KLF7: variants seen among roughly 807,000 people sequenced by gnomAD.
KLF7 encodes the protein Krueppel-like factor 7.
A neutral mutation model predicts 27.3 loss-of-function variants in KLF7; 2 were observed. The observed-to-expected ratio is 0.07, with a 90% CI of 0.03 to 0.23. The LOEUF is 0.23. Among genes scored for constraint, KLF7 ranks in the 10% least tolerant of loss-of-function variants. KLF7 has a pLI of 1.00. For synonymous variants in KLF7, 165 were observed against 162.4 expected, an observed-to-expected ratio of 1.02 and a Z score of -0.12; for missense variants, 221 against 394.1, an observed-to-expected ratio of 0.56 and a Z score of 3.72.
intron 1 of KLF7, among the ~76,000 whole-genome samples, chr2:207,138,360 T>C (rs1463444601): frequency 6.6e-6 from 1 of 152,194 alleles, no homozygotes; most frequent in Admixed American, 6.5e-5. Context: ...TTAAAATTAA[T>C]AAACACTCTC....
chr2:207,088,681 G>GT (rs1408110307), intron 2 of KLF7, 100 bp from the exon 3 acceptor site: 18 of 1,308,068 alleles, frequency 1.4e-5, no homozygotes, highest in African/African-American at 2.9e-5. Flanking sequence ...GGAAAGGGCT[G>GT]TTTAACTCAT....
At chr2:207,159,409 A>T (rs1041153210) in intron 1 of KLF7, among the ~76,000 whole-genome samples, 3 of 152,220 alleles carry the variant, frequency 2.0e-5, no homozygotes, top group African/African-American at 7.2e-5. Flanking sequence ...CAGTGTTCCA[A>T]CACAGAACTG....
At chr2:207,093,400 C>T (rs1216673733) in intron 2 of KLF7, among the ~76,000 whole-genome samples, 11 of 152,178 alleles carry the variant, frequency 7.2e-5, no homozygotes, top group Admixed American at 6.5e-4. Context: ...ACATTGCTGC[C>T]CTGCCTGCAG....
chr2:207,088,739 T>A (rs1296514677), intron 2 of KLF7, among the ~76,000 whole-genome samples, 158 bp from the exon 3 acceptor site: 1 of 151,920 alleles, frequency 6.6e-6, no homozygotes, highest in South Asian at 2.1e-4. Flanking sequence ...GTCTTTTGGG[T>A]TTTTTTTCCA....
chr2:207,111,480 G>A (rs2077035868), intron 2 of KLF7, among the ~76,000 whole-genome samples: 1 of 152,210 alleles, frequency 6.6e-6, no homozygotes, highest in African/African-American at 2.4e-5. Flanking sequence ...AAAGCATATT[G>A]TGGCTTAGCA....
At chr2:207,167,510 C>T (rs1033611027), upstream of KLF7, among the ~76,000 whole-genome samples, 2 of 152,184 alleles carry the variant, frequency 1.3e-5, no homozygotes, top group East Asian at 3.8e-4. Context: ...AGATTCTACT[C>T]TATGAAATAA....
chr2:207,148,519 C>T (rs1574565768), intron 1 of KLF7, among the ~76,000 whole-genome samples: 1 of 152,254 alleles, frequency 6.6e-6, no homozygotes, highest in East Asian at 1.9e-4. Context: ...TAGTAATGAG[C>T]AAAAATCCTG....
chr2:207,111,858 T>G (rs575716793), intron 2 of KLF7, among the ~76,000 whole-genome samples: 1 of 152,210 alleles, frequency 6.6e-6, no homozygotes, highest in African/African-American at 2.4e-5. Flanking sequence ...CTGCCCTGGG[T>G]TTCCAGGGTC....
chr2:207,143,939 G>C (rs1162881074), intron 1 of KLF7, among the ~76,000 whole-genome samples: 1 of 152,100 alleles, frequency 6.6e-6, no homozygotes, highest in South Asian at 2.1e-4. Context: ...AAAACCAATA[G>C]AGCAGCATTA....
At chr2:207,138,431 A>T (rs1015460544) in intron 1 of KLF7, among the ~76,000 whole-genome samples, 2 of 152,194 alleles carry the variant, frequency 1.3e-5, no homozygotes, top group African/African-American at 4.8e-5. Flanking sequence ...ACTCCACCAG[A>T]GCTTGTGGGT....
At chr2:207,107,716 C>A (rs982274169) in intron 2 of KLF7, among the ~76,000 whole-genome samples, 5 of 152,210 alleles carry the variant, frequency 3.3e-5, no homozygotes, top group African/African-American at 1.2e-4. Context: ...CAAATGCCAG[C>A]CGGCTCTTCT....
chr2:207,101,422 G>A (rs2076762492), intron 2 of KLF7, among the ~76,000 whole-genome samples: 1 of 152,192 alleles, frequency 6.6e-6, no homozygotes, highest in Non-Finnish European at 1.5e-5. Context: ...TAGAGCAGGT[G>A]TCCCAGAGAT....
chr2:207,137,719 G>A (rs1639446318), intron 1 of KLF7, among the ~76,000 whole-genome samples: 1 of 152,152 alleles, frequency 6.6e-6, no homozygotes. Context: ...TGTTAATGAA[G>A]TGTAGATTCT....
At chr2:207,152,256 G>C (rs2078265943) in intron 1 of KLF7, among the ~76,000 whole-genome samples, 2 of 144,360 alleles carry the variant, frequency 1.4e-5, no homozygotes, top group African/African-American at 5.3e-5. Context: ...ACTAAGAACT[G>C]GTTACATGTT....
At position 207,123,769 on chromosome 2, in the gene KLF7, A is replaced by G. The variant is rs917113321; in HGVS notation, c.733+5T>C. On this transcript the variant is annotated splice_donor_5th_base_variant and intron_variant, in intron 2 of 3. Transcript: ENST00000309446. ...AAACCACGTGCGGCCAACTTGTACC[A>G]CTACCTGTGTGAGTCCTCTGGTGGG... 3 of 1,609,084 alleles carry G rather than the reference A, an allele frequency of 1.9e-6. No homozygotes were observed. Among genetic ancestry groups the G allele is most frequent in the South Asian group, 1.1e-5 (1 of 90,488 alleles).
In KLF7 at chr2:207,081,264, C is replaced by T. The variant is rs1450418217; in HGVS notation, c.858G>A (p.Arg286=). The part of the protein sequence containing the change: ...AKPFKCNHCD[R]CFSRSDHLAL... ...CAAGATGGTCAGACCTGGAAAAACA[C>T]CTAGGAGATATAAACAACAAGGATA... Residue 286 remains arginine, a splice_region_variant and synonymous_variant, in exon 4 of 4, where the codon AGG becomes AGA. Transcript: ENST00000309446. The T allele has an allele frequency of 6.2e-7, 1 of 1,613,322 alleles. No individual in the cohort carries two copies.
intron 2 of KLF7, among the ~76,000 whole-genome samples, chr2:207,101,093 A>G (rs1169225933): frequency 6.6e-6 from 1 of 152,250 alleles, no homozygotes; most frequent in Non-Finnish European, 1.5e-5. Flanking sequence ...TATCTCCGAA[A>G]CACTTCATCT....
upstream of KLF7, among the ~76,000 whole-genome samples, chr2:207,169,153 CTG>C (rs1273892539): frequency 6.6e-6 from 1 of 152,202 alleles, no homozygotes; most frequent in Admixed American, 6.5e-5. Context: ...ACTCCAAAAT[CTG>C]TCTTCTCCAC....
At chr2:207,148,601 T>C (rs2078159981) in intron 1 of KLF7, among the ~76,000 whole-genome samples, 1 of 152,222 alleles carries the variant, frequency 6.6e-6, no homozygotes, top group African/African-American at 2.4e-5. Context: ...GCCCATATTT[T>C]TTTAAAATCA....
Sources: gnomAD v4.1 joint callset for allele counts (sites outside exome capture counted in the v4.1 genomes callset) on GRCh38, gnomAD v4.1.1 for gene constraint, MANE v1.5 for transcripts, NCBI Gene and HGNC (gene_info 2026-07-23, HGNC 2026-07-21) for gene names.